The following ASB4 variants were observed in gnomAD, a reference collection of about 807,000 sequenced individuals.
ASB4 encodes the protein ankyrin repeat and SOCS box containing 4.
ASB4 carries 35 observed loss-of-function variants against 38.6 expected under a neutral mutation model. That is an observed-to-expected ratio of 0.91 (90% CI 0.69 to 1.20). The LOEUF (loss-of-function observed/expected upper bound fraction) is 1.20, where lower values mean the gene tolerates loss of function less well. Among genes scored for constraint, ASB4 ranks in the 50% most tolerant of loss-of-function variants. The pLI, the probability that ASB4 is intolerant of heterozygous loss-of-function variation, is 0.00. For synonymous variants in ASB4, 195 were observed against 201.3 expected (o/e 0.97, Z 0.26); for missense variants, 557 against 527.2 (o/e 1.06, Z -0.55).
At chr7:95,515,216 T>TC in intron 2 of ASB4, among the ~76,000 whole-genome samples, 1 of 129,420 alleles carries the variant, frequency 7.7e-6, no homozygotes, top group Non-Finnish European at 1.6e-5. Context: ...TTTCTTTCTT[T>TC]CTTTCTTTCT....
At chr7:95,542,632 T>C (rs1790985560), downstream of ASB4, 3 of 152,314 alleles carry the variant, frequency 2.0e-5, no homozygotes, top group East Asian at 3.9e-4. Context: ...GGTTTCACCA[T>C]GTTGGCCAGG....
At chr7:95,517,072 G>C (rs1208859460) in intron 2 of ASB4, among the ~76,000 whole-genome samples, 1 of 152,206 alleles carries the variant, frequency 6.6e-6, no homozygotes, top group African/African-American at 2.4e-5. Flanking sequence ...ATGATCATTT[G>C]CATGGTTTGT....
chr7:95,475,975 C>T (rs909888615), upstream of ASB4, among the ~76,000 whole-genome samples: 1 of 152,120 alleles, frequency 6.6e-6, no homozygotes, highest in Non-Finnish European at 1.5e-5. Flanking sequence ...TATCAAGATC[C>T]CAAGATCCTA....
At chr7:95,515,645 A>T (rs1245364005) in intron 2 of ASB4, among the ~76,000 whole-genome samples, 1 of 151,706 alleles carries the variant, frequency 6.6e-6, no homozygotes, top group Non-Finnish European at 1.5e-5. Flanking sequence ...CAATCTCTTG[A>T]CCTTGTGATC....
chr7:95,508,608 G>GT (rs1272839630), intron 2 of ASB4, among the ~76,000 whole-genome samples: 1 of 152,114 alleles, frequency 6.6e-6, no homozygotes, highest in Non-Finnish European at 1.5e-5. Context: ...GGCACAGGTG[G>GT]TTTTTGTCAC....
upstream of ASB4, among the ~76,000 whole-genome samples, chr7:95,477,763 T>C (rs552894833): frequency 6.6e-6 from 1 of 151,622 alleles, no homozygotes; most frequent in South Asian, 2.1e-4. Context: ...TATAATTCTG[T>C]GATTCTACAA....
At chr7:95,522,613 T>C (rs1370481622) in intron 2 of ASB4, among the ~76,000 whole-genome samples, 1 of 152,120 alleles carries the variant, frequency 6.6e-6, no homozygotes, top group Non-Finnish European at 1.5e-5. Context: ...TCTGGAAGGG[T>C]TGGGAAGCAC....
chr7:95,529,072 G>A (rs750558529), intron 3 of ASB4, among the ~76,000 whole-genome samples: 10 of 152,270 alleles, frequency 6.6e-5, no homozygotes, highest in Non-Finnish European at 1.3e-4. Context: ...GACATGGGAC[G>A]TATCCTCAAG....
At chr7:95,473,360 T>A in the ASB4 span, among the ~76,000 whole-genome samples, 1 of 152,202 alleles carries the variant, frequency 6.6e-6, no homozygotes, top group Non-Finnish European at 1.5e-5. Flanking sequence ...TATCTCCATT[T>A]TAGACGTGAA....
intron 3 of ASB4, among the ~76,000 whole-genome samples, chr7:95,535,085 C>G (rs541031032): frequency 4.6e-5 from 7 of 152,054 alleles, no homozygotes; most frequent in African/African-American, 1.7e-4. Flanking sequence ...CACACACATG[C>G]GCACACTCTT....
chr7:95,517,085 T>C (rs986078852), intron 2 of ASB4, among the ~76,000 whole-genome samples: 3 of 152,254 alleles, frequency 2.0e-5, no homozygotes, highest in Admixed American at 2.0e-4. Flanking sequence ...TGGTTTGTTC[T>C]TGTAGAAATG....
upstream of ASB4, among the ~76,000 whole-genome samples, chr7:95,478,124 A>T (rs1353793427): frequency 6.6e-6 from 1 of 151,896 alleles, no homozygotes; most frequent in African/African-American, 2.4e-5. Flanking sequence ...GGGAAGGATA[A>T]TTTTTTTTTC....
intron 3 of ASB4, among the ~76,000 whole-genome samples, chr7:95,535,768 T>C (rs1242332986): frequency 2.6e-5 from 4 of 152,190 alleles, no homozygotes; most frequent in Non-Finnish European, 4.4e-5. Context: ...CATTTGTTAA[T>C]GAAAGGTAAA....
chr7:95,550,426 A>G, the ASB4 span, among the ~76,000 whole-genome samples: 1 of 152,156 alleles, frequency 6.6e-6, no homozygotes, highest in African/African-American at 2.4e-5. Flanking sequence ...ATAGACAAGC[A>G]AGGCTTCTCT....
chr7:95,478,123 A>G (rs1474331952), upstream of ASB4, among the ~76,000 whole-genome samples: 1 of 152,186 alleles, frequency 6.6e-6, no homozygotes, highest in East Asian at 1.9e-4. Context: ...AGGGAAGGAT[A>G]ATTTTTTTTT....
At chr7:95,548,541 G>A in the ASB4 span, among the ~76,000 whole-genome samples, 510 of 152,274 alleles carry the variant, frequency 3.3e-3, 2 homozygotes, top group African/African-American at 0.012. Context: ...TGCTTATAAA[G>A]TACTCAGCAA....
chr7:95,492,593 C>A (rs1237026155), intron 1 of ASB4, among the ~76,000 whole-genome samples: 1 of 152,222 alleles, frequency 6.6e-6, no homozygotes, highest in Non-Finnish European at 1.5e-5. Flanking sequence ...CGCTAACATT[C>A]TGTGTTTCTT....
At chr7:95,512,381 TA>T (rs1267187030) in intron 2 of ASB4, among the ~76,000 whole-genome samples, 1 of 152,238 alleles carries the variant, frequency 6.6e-6, no homozygotes. Context: ...ATGGATTATG[TA>T]AGGCTCTTTT....
chr7:95,497,656 TAA>T lies in ASB4; in HGVS notation c.487+1603_487+1604del, dbSNP rs889177896. Among the ~76,000 whole-genome samples the T allele has an allele frequency of 1.9e-4, 29 of 152,338 alleles. No individual in the cohort carries two copies. The East Asian group carries it at 2.9e-3, about 15-fold the overall frequency. On this transcript the variant is annotated intron_variant, in intron 2 of 4. Transcript: ENST00000325885. ...TGTGAAACTATCATGCCAATCATCT[TAA>T]AAAGTTTCCTGATGCCCTTTGTAGT... is the stretch of plus-strand genomic sequence containing the variant.
Sources: gnomAD v4.1 joint callset for allele counts (sites outside exome capture counted in the v4.1 genomes callset) on GRCh38, gnomAD v4.1.1 for gene constraint, MANE v1.5 for transcripts, NCBI Gene and HGNC (gene_info 2026-07-23, HGNC 2026-07-21) for gene names.